Variants in C13orf46 observed in about 807,000 individuals in gnomAD.
C13orf46 encodes chromosome 13 open reading frame 46.
At chr13:113,965,946 G>T (rs1200139069) in intron 5 of C13orf46, among the ~76,000 whole-genome samples, 7 of 149,266 alleles carry the variant, frequency 4.7e-5, no homozygotes, top group Admixed American at 1.3e-4. Flanking sequence ...TGATGGTGAT[G>T]ATGATGGTGA....
chr13:113,943,992 C>A, the C13orf46 span, among the ~76,000 whole-genome samples: 7 of 152,296 alleles, frequency 4.6e-5, no homozygotes, highest in East Asian at 1.4e-3. Context: ...TGGCTCGGGA[C>A]CTTCAGTATC....
chr13:113,966,589 GTGATGA>G (rs1173476434), intron 5 of C13orf46, among the ~76,000 whole-genome samples: 2 of 150,524 alleles, frequency 1.3e-5, no homozygotes, highest in Non-Finnish European at 3.0e-5. Flanking sequence ...AGTGGTGATG[GTGATGA>G]TGATGGTGAC....
chr13:113,945,712 A>C, the C13orf46 span, among the ~76,000 whole-genome samples: 1 of 152,194 alleles, frequency 6.6e-6, no homozygotes, highest in Non-Finnish European at 1.5e-5. Context: ...AGCTACTCCC[A>C]AGTCAAGGCC....
the C13orf46 span, among the ~76,000 whole-genome samples, chr13:113,933,774 C>T: frequency 2.0e-5 from 3 of 152,096 alleles, no homozygotes; most frequent in South Asian, 4.1e-4. Context: ...AAAAAGTTGC[C>T]GAATAGTACA....
chr13:113,927,302 G>A, the C13orf46 span: 1 of 375,180 alleles, frequency 2.7e-6, no homozygotes, highest in Non-Finnish European at 4.7e-6. Flanking sequence ...TGTGGGACAG[G>A]CTCCTCGCTG....
chr13:113,941,567 C>G, the C13orf46 span, among the ~76,000 whole-genome samples: 1,079 of 152,308 alleles, frequency 7.1e-3, 8 homozygotes, highest in African/African-American at 0.021. Flanking sequence ...CTCTGGGACT[C>G]TGTGTGTGAG....
intron 6 of C13orf46, among the ~76,000 whole-genome samples, chr13:113,957,259 A>G (rs1413098709): frequency 8.5e-6 from 1 of 117,468 alleles, no homozygotes; most frequent in Non-Finnish European, 1.7e-5. Flanking sequence ...TGCACTCTGC[A>G]TGCACCTCCT....
chr13:113,934,747 G>A, the C13orf46 span, among the ~76,000 whole-genome samples: 326 of 152,352 alleles, frequency 2.1e-3, 10 homozygotes, highest in East Asian at 0.057. Context: ...AGACCTGAGC[G>A]TGTCGCTGCG....
At chr13:113,962,533 C>T (rs894322306) in intron 6 of C13orf46, among the ~76,000 whole-genome samples, 6 of 152,184 alleles carry the variant, frequency 3.9e-5, no homozygotes, top group Non-Finnish European at 7.3e-5. Context: ...GGGAACCTCC[C>T]GGTATTGGGA....
chr13:113,943,187 CCAAGA>C, the C13orf46 span, among the ~76,000 whole-genome samples: 15,436 of 152,166 alleles, frequency 0.1, 987 homozygotes, highest in Middle Eastern at 0.15. Flanking sequence ...CATTCTGAGC[CCAAGA>C]CAAGTGACCG....
At chr13:113,971,426 G>A (rs1050323981) in intron 1 of C13orf46, among the ~76,000 whole-genome samples, 6 of 152,220 alleles carry the variant, frequency 3.9e-5, no homozygotes, top group African/African-American at 1.2e-4. Flanking sequence ...GAGAAGCCAC[G>A]AGTGGGGCCC....
chr13:113,935,611 A>G, the C13orf46 span, among the ~76,000 whole-genome samples: 2 of 152,218 alleles, frequency 1.3e-5, no homozygotes, highest in African/African-American at 4.8e-5. Flanking sequence ...GTCTCTTGAC[A>G]TCTCCCTGGA....
the C13orf46 span, among the ~76,000 whole-genome samples, chr13:113,933,977 T>C: frequency 6.6e-6 from 1 of 152,184 alleles, no homozygotes; most frequent in African/African-American, 2.4e-5. Context: ...CTGCGATGTG[T>C]GGCCGCATAT....
the C13orf46 span, among the ~76,000 whole-genome samples, chr13:113,939,255 G>A: frequency 9.2e-5 from 14 of 152,270 alleles, no homozygotes; most frequent in Admixed American, 2.6e-4. Flanking sequence ...CCCCCGCCCC[G>A]GTGATGCCAG....
chr13:113,968,886 G>A (rs1372646750), intron 2 of C13orf46, 126 bp from the exon 3 acceptor site: 1 of 152,312 alleles, frequency 6.6e-6, no homozygotes, highest in Non-Finnish European at 1.5e-5. Context: ...GGGCACCTAT[G>A]AGGTGCCCTG....
chr13:113,934,528 A>C, the C13orf46 span, among the ~76,000 whole-genome samples: 45 of 152,230 alleles, frequency 3.0e-4, no homozygotes, highest in Admixed American at 1.0e-3. Context: ...CCACACATAC[A>C]TGGTAAATTA....
At chr13:113,930,365 C>T in the C13orf46 span, among the ~76,000 whole-genome samples, 1 of 79,698 alleles carries the variant, frequency 1.3e-5, no homozygotes, top group Admixed American at 1.0e-4. Flanking sequence ...GGTGGGGGCG[C>T]AGGAGCACCG....
At chr13:113,966,404 GTGA>G (rs1193183908) in intron 5 of C13orf46, among the ~76,000 whole-genome samples, 7,497 of 150,280 alleles carry the variant, frequency 0.05, 415 homozygotes, top group African/African-American at 0.14. Context: ...ATTAATGATG[GTGA>G]TGATGATGAT....
the C13orf46 span, among the ~76,000 whole-genome samples, chr13:113,945,539 G>GAGAAAGAAAGAAAGAA: frequency 3.1e-4 from 23 of 73,668 alleles, no homozygotes; most frequent in East Asian, 2.9e-3. Flanking sequence ...GCGAGAATCT[G>GAGAAAGAAAGAAAGAA]AGAAAGAAAG....
Sources: gnomAD v4.1 joint callset for allele counts (sites outside exome capture counted in the v4.1 genomes callset) on GRCh38, gnomAD v4.1.1 for gene constraint, MANE v1.5 for transcripts, NCBI Gene and HGNC (gene_info 2026-07-23, HGNC 2026-07-21) for gene names.